The following SNX24 variants were observed in gnomAD, a reference collection of about 807,000 sequenced individuals.
SNX24 encodes the protein sorting nexin 24.
Under a neutral mutation model 28.7 loss-of-function variants are expected in SNX24, and 22 were observed. The observed-to-expected ratio is 0.77, with a 90% CI of 0.55 to 1.10. The LOEUF (loss-of-function observed/expected upper bound fraction) is 1.10, where lower values mean the gene tolerates loss of function less well. SNX24 is among the 50% of genes least tolerant of loss of function. The pLI, the probability that SNX24 is intolerant of heterozygous loss-of-function variation, is 0.00. For missense variants in SNX24, 221 were observed against 201.1 expected (o/e 1.10, Z -0.60); for synonymous variants, 69 against 71.5 (o/e 0.96, Z 0.18).
chr5:122,933,782 C>T (rs544177589), intron 1 of SNX24, among the ~76,000 whole-genome samples: 1 of 151,470 alleles, frequency 6.6e-6, no homozygotes, highest in Non-Finnish European at 1.5e-5. Context: ...CTTGTCCACC[C>T]ACAGCCAGTC....
intron 2 of SNX24, among the ~76,000 whole-genome samples, chr5:122,942,540 G>A (rs1368343026): frequency 6.6e-6 from 1 of 152,132 alleles, no homozygotes; most frequent in African/African-American, 2.4e-5. Flanking sequence ...GTGGAAAATG[G>A]TTACTATAAC....
At chr5:122,871,014 T>C (rs1296477940) in intron 1 of SNX24, among the ~76,000 whole-genome samples, 4 of 152,194 alleles carry the variant, frequency 2.6e-5, no homozygotes. Context: ...TCTGATGGTC[T>C]TGGGGTATGG....
chr5:123,016,706 G>T (rs1199009238), intron 5 of SNX24, among the ~76,000 whole-genome samples: 1 of 152,130 alleles, frequency 6.6e-6, no homozygotes, highest in Admixed American at 6.5e-5. Context: ...CTCGCTGATG[G>T]ATTTGGATGT....
At chr5:122,999,433 G>T (rs1762163554) in intron 3 of SNX24, among the ~76,000 whole-genome samples, 1 of 148,016 alleles carries the variant, frequency 6.8e-6, no homozygotes, top group Non-Finnish European at 1.5e-5. Context: ...TTCCTAAATA[G>T]TAGTGGTCTC....
intron 1 of SNX24, among the ~76,000 whole-genome samples, chr5:122,861,252 A>G (rs550124451): frequency 1.3e-5 from 2 of 152,136 alleles, no homozygotes; most frequent in Non-Finnish European, 2.9e-5. Flanking sequence ...AGGCACAAGA[A>G]TTGCTTGAAC....
intron 1 of SNX24, among the ~76,000 whole-genome samples, chr5:122,907,808 A>G (rs992910558): frequency 3.9e-5 from 6 of 152,192 alleles, no homozygotes; most frequent in African/African-American, 1.4e-4. Context: ...AAGAATTAAA[A>G]ATCTATTGAA....
intron 1 of SNX24, among the ~76,000 whole-genome samples, chr5:122,906,168 G>GTA (rs1240067182): frequency 6.6e-6 from 1 of 152,176 alleles, no homozygotes; most frequent in African/African-American, 2.4e-5. Context: ...CAAGGTGGTA[G>GTA]TATAGAGATT....
chr5:122,949,794 G>C (rs1759851529), intron 3 of SNX24, among the ~76,000 whole-genome samples: 1 of 152,052 alleles, frequency 6.6e-6, no homozygotes, highest in African/African-American at 2.4e-5. Context: ...GATTTGATTA[G>C]AAACAAATTC....
chr5:122,967,114 G>A (rs1760744130), intron 3 of SNX24, among the ~76,000 whole-genome samples: 1 of 152,188 alleles, frequency 6.6e-6, no homozygotes, highest in African/African-American at 2.4e-5. Context: ...TGACTAGAAA[G>A]TTCTGATGGA....
rs1286845380 is a variant in SNX24 at position 122,946,130 on chromosome 5, C to T, written c.220C>T (p.Arg74Ter). The T allele has an allele frequency of 6.2e-7, 1 of 1,608,334 alleles. No homozygotes were observed. Among genetic ancestry groups the T allele is most frequent in the Non-Finnish European group, 8.5e-7 (1 of 1,175,590 alleles). ...RNWVPKVLEQRRQGLETYLQA... is the reference protein window; with the variant it reads ...RNWVPKVLEQ ...CTGGGTCCCCAAAGTCTTGGAACAG[C>T]GACGACAAGGCTTGGAAACATACTT... The change falls in exon 3 of 7, where the codon CGA becomes TGA. Residue 74 changes from arginine to a stop codon, truncating the protein, a stop_gained. Transcript: ENST00000261369. LOFTEE classifies it high-confidence loss of function.
intron 1 of SNX24, among the ~76,000 whole-genome samples, chr5:122,896,064 A>C (rs1757189727): frequency 6.6e-6 from 1 of 152,284 alleles, no homozygotes; most frequent in Admixed American, 6.5e-5. Context: ...TGGGAGAATC[A>C]CTTGAACTGG....
chr5:122,849,578 C>T (rs957458384), intron 1 of SNX24, among the ~76,000 whole-genome samples: 1 of 151,252 alleles, frequency 6.6e-6, no homozygotes, highest in Admixed American at 6.6e-5. Context: ...CATTTTAAAA[C>T]TCAGATATGC....
At chr5:122,851,715 G>A (rs2150031205) in intron 1 of SNX24, among the ~76,000 whole-genome samples, 1 of 151,798 alleles carries the variant, frequency 6.6e-6, no homozygotes, top group African/African-American at 2.4e-5. Flanking sequence ...AAGCTTTTAT[G>A]GATTAAACTA....
intron 1 of SNX24, among the ~76,000 whole-genome samples, chr5:122,879,247 T>A (rs778855560): frequency 1.2e-4 from 18 of 152,208 alleles, no homozygotes; most frequent in Non-Finnish European, 2.2e-4. Flanking sequence ...GACAGCAGCA[T>A]GTGGCGAGTG....
intron 1 of SNX24, among the ~76,000 whole-genome samples, chr5:122,913,768 G>T (rs1255635442): frequency 6.6e-6 from 1 of 152,122 alleles, no homozygotes; most frequent in Non-Finnish European, 1.5e-5. Flanking sequence ...CGGCTGGGAG[G>T]TGGAGGTTGT....
At chr5:123,023,616 T>A (rs935135822) in intron 5 of SNX24, 1 of 299,054 alleles carries the variant, frequency 3.3e-6, no homozygotes, top group Non-Finnish European at 5.6e-6. Context: ...CAATTCAAAG[T>A]TTTTTTTAGT....
intron 1 of SNX24, among the ~76,000 whole-genome samples, chr5:122,873,390 G>A (rs191109798): frequency 6.7e-4 from 102 of 152,260 alleles, no homozygotes; most frequent in African/African-American, 2.2e-3. Context: ...CTAAATGCCT[G>A]CGTGGGGAGG....
At chr5:123,009,615 A>T (rs919695472), downstream of SNX24, among the ~76,000 whole-genome samples, 3 of 152,230 alleles carry the variant, frequency 2.0e-5, no homozygotes, top group African/African-American at 7.2e-5. Flanking sequence ...AAACCCAGTC[A>T]TCACACTTAT....
intron 1 of SNX24, among the ~76,000 whole-genome samples, chr5:122,897,718 T>C (rs537787292): frequency 1.3e-5 from 2 of 152,206 alleles, no homozygotes; most frequent in East Asian, 3.8e-4. Context: ...AGGTCCTCTA[T>C]ACATTTATGA....
Sources: allele counts gnomAD v4.1 joint callset (sites outside exome capture counted in the v4.1 genomes callset), GRCh38; gene constraint gnomAD v4.1.1; transcripts MANE v1.5; gene names NCBI Gene and HGNC (gene_info 2026-07-23, HGNC 2026-07-21).